The following NPSR1 variants were observed in gnomAD, a reference collection of about 807,000 sequenced individuals.
NPSR1 encodes neuropeptide S receptor 1.
NPSR1 carries 48 observed loss-of-function variants against 46.9 expected under a neutral mutation model. The ratio of observed to expected loss-of-function variants is 1.02; its 90% CI spans 0.81 to 1.30. The LOEUF is 1.30. Ranked by LOEUF, NPSR1 falls within the 50% of genes most tolerant of loss-of-function variation. The probability of loss-of-function intolerance (pLI) is 0.00; values close to 1 mark genes in which losing one functional copy is unlikely to be tolerated. For missense variants in NPSR1, 450 were observed against 449.5 expected (o/e 1.00, Z -0.01); for synonymous variants, 176 against 168.1 (o/e 1.05, Z -0.36).
At chr7:34,751,485 C>A in intron 2 of NPSR1, 5 of 1,275,600 alleles carry the variant, frequency 3.9e-6, no homozygotes, top group Non-Finnish European at 4.6e-6. Flanking sequence ...GTTCTGCCTC[C>A]GTGTCATCTG....
chr7:34,689,780 C>CA (rs1444974804), intron 2 of NPSR1, among the ~76,000 whole-genome samples: 3 of 151,098 alleles, frequency 2.0e-5, no homozygotes, highest in Non-Finnish European at 3.0e-5. Flanking sequence ...CCCATCTCTG[C>CA]AAAAAATTTT....
chr7:34,822,408 G>A (rs1399298630), intron 4 of NPSR1, among the ~76,000 whole-genome samples: 1 of 152,140 alleles, frequency 6.6e-6, no homozygotes, highest in African/African-American at 2.4e-5. Flanking sequence ...GCTTAACTGA[G>A]GGGAGGCCAT....
chr7:34,855,742 G>A (rs540220120), intron 8 of NPSR1, among the ~76,000 whole-genome samples: 16 of 152,078 alleles, frequency 1.1e-4, no homozygotes, highest in East Asian at 5.8e-4. Flanking sequence ...CAATTTTGCC[G>A]CAGAAATACA....
At position 34,858,862 on chromosome 7, in the gene NPSR1, T is replaced by TGG. The variant is rs769626577; in HGVS notation, c.1025+10207_1025+10208dup. On this transcript the variant is annotated intron_variant, in intron 8 of 8. Transcript: ENST00000359791. ...ATTATGGGAGCTACAGGATGAGATC[T>TGG]GGGGGGGGGACACAGATCCAAACCA... Among the ~76,000 whole-genome samples the TGG allele has an allele frequency of 4.0e-5, 6 of 150,596 alleles. 1 individual carries two copies. In the South Asian group the frequency reaches 8.4e-4, roughly 21 times the overall value.
At chr7:34,692,908 C>T (rs917269749) in intron 2 of NPSR1, among the ~76,000 whole-genome samples, 9 of 152,108 alleles carry the variant, frequency 5.9e-5, no homozygotes, top group African/African-American at 1.2e-4. Flanking sequence ...TAGACCAAAT[C>T]GCATGTTGAA....
intron 2 of NPSR1, among the ~76,000 whole-genome samples, chr7:34,765,026 G>A (rs192929528): frequency 3.2e-4 from 48 of 152,204 alleles, no homozygotes; most frequent in Non-Finnish European, 5.1e-4. Flanking sequence ...ACCCTTCAGC[G>A]TCTCAGCTAC....
At chr7:34,741,577 T>G (rs1002782199) in intron 2 of NPSR1, among the ~76,000 whole-genome samples, 1 of 152,160 alleles carries the variant, frequency 6.6e-6, no homozygotes, top group African/African-American at 2.4e-5. Flanking sequence ...CCTGGGAATA[T>G]TCTAAGTTAG....
At chr7:34,805,479 C>CAAAAAAAAAAAAA (rs57776086) in intron 3 of NPSR1, among the ~76,000 whole-genome samples, 1 of 71,948 alleles carries the variant, frequency 1.4e-5, no homozygotes, top group African/African-American at 5.0e-5. Context: ...TATCCACATG[C>CAAAAAAAAAAAAA]AAAAAAAAAA....
At chr7:34,740,440 A>G (rs1448800573) in intron 2 of NPSR1, among the ~76,000 whole-genome samples, 1 of 150,800 alleles carries the variant, frequency 6.6e-6, no homozygotes, top group African/African-American at 2.4e-5. Flanking sequence ...TTTGGTAGCA[A>G]TTGTTACGAA....
rs557034742 is a variant in NPSR1, at chr7:34,862,458, A to C, written c.1025+13795A>C. Among the ~76,000 whole-genome samples the C allele has an allele frequency of 9.9e-5, 15 of 151,800 alleles. 1 individual carries two copies. The highest frequency in any genetic ancestry group is 3.6e-4 in the African/African-American group (15 of 41,150). On this transcript the variant is annotated intron_variant, in intron 8 of 8. Coordinates refer to the NPSR1 transcript ENST00000359791. ...GCAGCTTTCTGCAGTTAGACTCTCT[A>C]TGTTACTTCTCTTTCCTGCTCTTTC...
intron 2 of NPSR1, among the ~76,000 whole-genome samples, chr7:34,743,390 T>C (rs1484553615): frequency 1.3e-5 from 2 of 152,110 alleles, no homozygotes; most frequent in East Asian, 1.9e-4. Flanking sequence ...CTCAGCACTA[T>C]TTATTGAATC....
intron 3 of NPSR1, among the ~76,000 whole-genome samples, chr7:34,784,643 C>A (rs1787377858): frequency 6.6e-6 from 1 of 152,080 alleles, no homozygotes; most frequent in Admixed American, 6.6e-5. Flanking sequence ...GTCTAAAATT[C>A]TCTTTTTTTT....
chr7:34,713,111 C>T (rs1034206705), intron 2 of NPSR1, among the ~76,000 whole-genome samples: 6 of 152,180 alleles, frequency 3.9e-5, no homozygotes, highest in African/African-American at 1.2e-4. Flanking sequence ...TAAGAAGGAA[C>T]ACAGACTGAG....
chr7:34,708,619 G>A (rs1319861772), intron 2 of NPSR1, among the ~76,000 whole-genome samples: 1 of 152,098 alleles, frequency 6.6e-6, no homozygotes, highest in Non-Finnish European at 1.5e-5. Flanking sequence ...TTTTTCTCAG[G>A]GCTTTGGGAT....
At chr7:34,876,526 C>T (rs1224881951) in intron 8 of NPSR1, among the ~76,000 whole-genome samples, 1 of 152,180 alleles carries the variant, frequency 6.6e-6, no homozygotes, top group Non-Finnish European at 1.5e-5. Flanking sequence ...CAGTCCTGCC[C>T]ATGTCACCCC....
chr7:34,703,937 A>C (rs2128697714), intron 2 of NPSR1: 1 of 152,382 alleles, frequency 6.6e-6, no homozygotes, highest in Middle Eastern at 3.4e-3. Context: ...TTTGGCGCAC[A>C]TTCAAATCAT....
At chr7:34,771,564 C>G (rs960070115) in intron 2 of NPSR1, among the ~76,000 whole-genome samples, 2 of 151,986 alleles carry the variant, frequency 1.3e-5, no homozygotes, top group Non-Finnish European at 2.9e-5. Context: ...AAAGGGCAAC[C>G]AAAGAAGGGA....
chr7:34,805,022 G>GA (rs75862380), intron 3 of NPSR1, among the ~76,000 whole-genome samples: 12,405 of 151,106 alleles, frequency 0.082, 611 homozygotes, highest in East Asian at 0.12. Context: ...AAAACTGATG[G>GA]AAAAAAAAGC....
chr7:34,709,865 A>G (rs917845416), intron 2 of NPSR1, among the ~76,000 whole-genome samples: 1 of 152,234 alleles, frequency 6.6e-6, no homozygotes, highest in Non-Finnish European at 1.5e-5. Context: ...ACCAAAAAAA[A>G]AAGATGAGAA....
Sources: allele counts gnomAD v4.1 joint callset (sites outside exome capture counted in the v4.1 genomes callset), GRCh38; gene constraint gnomAD v4.1.1; transcripts MANE v1.5; gene names NCBI Gene and HGNC (gene_info 2026-07-23, HGNC 2026-07-21).